Variants in KMT2C observed in about 807,000 individuals in gnomAD.
KMT2C encodes the protein lysine methyltransferase 2C, also known as histone-lysine N-methyltransferase 2C.
In KMT2C, 88 loss-of-function variants were observed where a neutral mutation model predicts 507.9. The observed-to-expected ratio is 0.17, with a 90% CI of 0.15 to 0.21. KMT2C has a LOEUF of 0.21. KMT2C is among the 10% of genes least tolerant of loss of function. KMT2C has a pLI of 1.00. For synonymous variants in KMT2C, 2,049 were observed against 2,080.8 expected (o/e 0.98, Z 0.42); for missense variants, 4,954 against 5,957.8 (o/e 0.83, Z 5.55).
At position 152,207,460 on chromosome 7, in the gene KMT2C, G is replaced by T. The variant is rs185248516; in HGVS notation, c.3713-32C>A. 1.2e-4 allele frequency: 185 copies of T among 1,538,228 alleles called. 1 individual carries two copies. The African/African-American group carries it at 2.2e-3, about 18-fold the overall frequency. On this transcript the variant is annotated intron_variant, in intron 23 of 58. Coordinates refer to ENST00000262189, the MANE Select transcript of KMT2C (RefSeq NM_170606.3). ...AAAAGTAAATGTATACACAAAACTG[G>T]AAAAACCTATCAAATATATAATCCC...
intron 1 of KMT2C, chr7:152,366,923 G>A (rs1033426970): frequency 1.1e-5 from 5 of 459,050 alleles, no homozygotes; most frequent in East Asian, 4.6e-5. Flanking sequence ...CCAACGGGCC[G>A]GCGCCTGGCG....
At chr7:152,245,848 A>G (rs1208155929) in intron 14 of KMT2C, among the ~76,000 whole-genome samples, 1 of 152,208 alleles carries the variant, frequency 6.6e-6, no homozygotes, top group African/African-American at 2.4e-5. Flanking sequence ...AATGTTCAAC[A>G]AAATATGAAA....
rs2093221854 is a variant in KMT2C at position 152,176,602 on chromosome 7, CAT to C, written c.8849_8850del (p.His2950ArgfsTer17). The part of the protein sequence containing the change: ...PPTLPASPSN[H>X]VSSLPPFIAP... Reference sequence around the variant, plus strand: ...GCTATGAAAGGAGGCAAACTTGACACATGATTGGATGGGGAGGCCGGCAGAGT... The same window carrying C: ...GCTATGAAAGGAGGCAAACTTGACACGATTGGATGGGGAGGCCGGCAGAGT... On this transcript the variant is annotated frameshift_variant, in exon 38 of 59. Coordinates refer to ENST00000262189, the MANE Select transcript of KMT2C (RefSeq NM_170606.3). LOFTEE classifies it high-confidence loss of function. 6.2e-7 allele frequency: 1 copy of C among 1,614,140 alleles called. No individual in the cohort carries two copies. The highest frequency in any genetic ancestry group is 8.5e-7 in the Non-Finnish European group (1 of 1,180,014).
intron 15 of KMT2C, among the ~76,000 whole-genome samples, chr7:152,237,736 A>G (rs2095306755): frequency 6.6e-6 from 1 of 151,962 alleles, no homozygotes; most frequent in South Asian, 2.1e-4. Context: ...CCTGACCTCA[A>G]GTGATCTGCC....
rs2129115364 is a variant in KMT2C at position 152,177,772 on chromosome 7, G to A, written c.7681C>T (p.Leu2561=). ...HNILGQAYIE[L]RHRAPDGRQR... is the part of the protein sequence containing the mutation. ...CTTCCGTCAGGAGCCCTATGTCTCA[G>A]TTCAATATATGCTTGGCCCAGTATG... The change falls in exon 38 of 59, where the codon CTG becomes TTG. Residue 2561 remains leucine (L), a synonymous_variant. Coordinates refer to ENST00000262189, the MANE Select transcript of KMT2C (RefSeq NM_170606.3). 1.2e-6 allele frequency: 2 copies of A among 1,614,072 alleles called. No individual in the cohort carries two copies. Among genetic ancestry groups the A allele is most frequent in the Non-Finnish European group, 1.7e-6 (2 of 1,180,016 alleles).
intron 1 of KMT2C, among the ~76,000 whole-genome samples, chr7:152,407,857 G>C (rs1428084710): frequency 6.6e-6 from 1 of 152,068 alleles, no homozygotes; most frequent in Non-Finnish European, 1.5e-5. Flanking sequence ...TATATTAGAA[G>C]CAGCAACTAT....
At chr7:152,269,135 C>T (rs1300005325) in intron 7 of KMT2C, among the ~76,000 whole-genome samples, 2 of 152,128 alleles carry the variant, frequency 1.3e-5, no homozygotes, top group East Asian at 1.9e-4. Context: ...CAACAAAGTT[C>T]GCTCTGCAAC....
chr7:152,149,196 A>T, intron 51 of KMT2C, 44 bp from the exon 52 acceptor site: 1 of 1,441,536 alleles, frequency 6.9e-7, no homozygotes, highest in Non-Finnish European at 9.1e-7. Context: ...ATAATTCACA[A>T]GCCCGGAAAG....
intron 44 of KMT2C, among the ~76,000 whole-genome samples, chr7:152,157,241 T>C (rs561260874): frequency 6.6e-6 from 1 of 151,382 alleles, no homozygotes; most frequent in East Asian, 2.0e-4. Context: ...GGCACTAGAA[T>C]TGCTTGAATT....
intron 33 of KMT2C, among the ~76,000 whole-genome samples, chr7:152,186,629 T>C (rs769285812): frequency 6.6e-6 from 1 of 152,240 alleles, no homozygotes; most frequent in Non-Finnish European, 1.5e-5. Flanking sequence ...TATTGATAGA[T>C]AGCTGGGAAA....
rs1162128184 is a variant in KMT2C at position 152,145,198 on chromosome 7, C to T, written c.14129G>A (p.Arg4710His). The stretch of plus-strand genomic sequence containing the variant: ...ATGGGCACTCATTTTAGGTTCAGAA[C>T]GGGCACAACCTGTGGGGTTAACGGC... ...PLAVNPTGCA[R>H]SEPKMSAHVK... The change falls in exon 54 of 59, where the codon CGT becomes CAT. Residue 4710 changes from arginine to histidine, a missense_variant. Around this residue, in one of 29 missense-constraint regions of KMT2C, gnomAD observed 221 missense variants for 304.7 expected, o/e 0.73. Coordinates refer to ENST00000262189, the MANE Select transcript of KMT2C (RefSeq NM_170606.3). 3 of 1,614,006 alleles carry T rather than the reference C, an allele frequency of 1.9e-6. No homozygotes were observed. The highest frequency in any genetic ancestry group is 2.2e-5 in the East Asian group (1 of 44,896).
chr7:152,291,283 C>T (rs1399747486), intron 6 of KMT2C, among the ~76,000 whole-genome samples: 1 of 152,288 alleles, frequency 6.6e-6, no homozygotes, highest in Non-Finnish European at 1.5e-5. Context: ...TCAGTATATT[C>T]TGCCTCTATA....
At chr7:152,342,958 AGTGAAAGGGCAGG>A (rs2097012167) in intron 2 of KMT2C, among the ~76,000 whole-genome samples, 2 of 152,176 alleles carry the variant, frequency 1.3e-5, no homozygotes, top group African/African-American at 2.4e-5. Context: ...ACCTAAAAGC[AGTGAAAGGGCAGG>A]GTGGGGAGGA....
rs200662726 is a variant in KMT2C at position 152,235,876 on chromosome 7, G to T, written c.2710C>A (p.Arg904=). ...AGCTTTGACCTGCCTCGGCCACCTC[G>T]CCCCGACAGTCCTGCACCTCGAGGT... ...RRPRGAGLSG[R]GGRGRSKLKS... The change falls in exon 16 of 59, where the codon CGA becomes AGA. Residue 904 remains arginine (R), a synonymous_variant. Coordinates refer to ENST00000262189, the MANE Select transcript of KMT2C (RefSeq NM_170606.3). 41 of 1,610,376 alleles carry T rather than the reference G, an allele frequency of 2.5e-5. No homozygotes were observed. The highest frequency in any genetic ancestry group is 8.8e-5 in the South Asian group (8 of 90,804).
At chr7:152,142,257 G>GT (rs559645465) in intron 55 of KMT2C, among the ~76,000 whole-genome samples, 14 of 152,292 alleles carry the variant, frequency 9.2e-5, no homozygotes, top group South Asian at 4.1e-4. Flanking sequence ...ACACTTGCTG[G>GT]TAGGCAAAGG....
chr7:152,261,201 G>A (rs1385937416), intron 9 of KMT2C, among the ~76,000 whole-genome samples: 1 of 152,278 alleles, frequency 6.6e-6, no homozygotes, highest in Non-Finnish European at 1.5e-5. Flanking sequence ...CATAGTGTCA[G>A]GCAAAGCAAA....
At chr7:152,251,822 C>T in intron 11 of KMT2C, 117 bp downstream of exon 11, 1 of 601,496 alleles carries the variant, frequency 1.7e-6, no homozygotes, top group Non-Finnish European at 2.6e-6. Flanking sequence ...AAACTGAGAA[C>T]AAGATGGAAT....
At chr7:152,360,093 G>A (rs1178161740) in intron 1 of KMT2C, among the ~76,000 whole-genome samples, 9 of 138,226 alleles carry the variant, frequency 6.5e-5, no homozygotes, top group Non-Finnish European at 9.4e-5. Flanking sequence ...GGGACAATAT[G>A]AAATAAAAGA....
intron 9 of KMT2C, among the ~76,000 whole-genome samples, chr7:152,258,226 C>A (rs190407031): frequency 6.6e-6 from 1 of 152,110 alleles, no homozygotes. Flanking sequence ...GTGGTGAGGG[C>A]ACAACACCAG....
Sources: allele counts gnomAD v4.1 joint callset (sites outside exome capture counted in the v4.1 genomes callset), GRCh38; gene constraint gnomAD v4.1.1; regional missense constraint gnomAD v4.1.1; transcripts MANE v1.5; gene names NCBI Gene and HGNC (gene_info 2026-07-23, HGNC 2026-07-21).